DACH2: variants seen among roughly 807,000 people sequenced by gnomAD.
The protein encoded by DACH2 is dachshund homolog 2.
In DACH2, 17 loss-of-function variants were observed where a neutral mutation model predicts 35.8. That is an observed-to-expected ratio of 0.48 (90% CI 0.33 to 0.71). The LOEUF is 0.71. Among genes scored for constraint, DACH2 ranks in the 30% least tolerant of loss-of-function variants. The pLI is 0.02. For synonymous variants in DACH2, 195 were observed against 177.3 expected, an observed-to-expected ratio of 1.10 and a Z score of -0.79; for missense variants, 469 against 472.7, an observed-to-expected ratio of 0.99 and a Z score of 0.07.
At chrX:86,277,060 T>C (rs2033929443) in intron 1 of DACH2, among the ~76,000 whole-genome samples, 1 of 111,884 alleles carries the variant, frequency 8.9e-6, no homozygotes, top group Non-Finnish European at 1.9e-5. Context: ...TTTCTATTTC[T>C]GTGAAGAATG....
intron 2 of DACH2, among the ~76,000 whole-genome samples, chrX:86,490,716 C>T (rs989739566): frequency 4.5e-5 from 5 of 110,509 alleles, no homozygotes; most frequent in Non-Finnish European, 9.5e-5. Flanking sequence ...TGGGATAAGG[C>T]CTAGGTGATT....
At chrX:86,199,782 A>G (rs1448524971) in intron 1 of DACH2, among the ~76,000 whole-genome samples, 1 of 112,015 alleles carries the variant, frequency 8.9e-6, no homozygotes, top group Non-Finnish European at 1.9e-5. Context: ...ACAACTGCTT[A>G]ATGAAATCAG....
intron 1 of DACH2, among the ~76,000 whole-genome samples, chrX:86,156,689 G>A (rs751309966): frequency 1.8e-5 from 2 of 110,987 alleles, no homozygotes; most frequent in East Asian, 5.7e-4. Flanking sequence ...GTGAGCCTAA[G>A]ACCATAAAAT....
At chrX:86,372,527 T>G (rs1430219127) in intron 1 of DACH2, among the ~76,000 whole-genome samples, 1 of 110,732 alleles carries the variant, frequency 9.0e-6, no homozygotes, top group East Asian at 2.9e-4. Flanking sequence ...TTGTGGGAAC[T>G]GTGGGGAACA....
intron 3 of DACH2, among the ~76,000 whole-genome samples, chrX:86,563,076 G>A (rs187691956): frequency 9.1e-6 from 1 of 110,259 alleles, no homozygotes; most frequent in Admixed American, 9.8e-5. Flanking sequence ...TCTTAAGAAA[G>A]GAGTGAGGGA....
At chrX:86,822,918 A>G (rs1258908262) in intron 11 of DACH2, among the ~76,000 whole-genome samples, 2 of 112,142 alleles carry the variant, frequency 1.8e-5, no homozygotes, top group Non-Finnish European at 3.8e-5. Flanking sequence ...TGTCAGAACT[A>G]GATTCCAACA....
chrX:86,158,522 CGTGTGT>C (rs58707735), intron 1 of DACH2, among the ~76,000 whole-genome samples: 29 of 103,341 alleles, frequency 2.8e-4, no homozygotes, highest in South Asian at 1.3e-3. Flanking sequence ...ATAGCCTGTG[CGTGTGT>C]GTGTGTGTGT....
chrX:86,203,421 T>C (rs990388344), intron 1 of DACH2, among the ~76,000 whole-genome samples: 3 of 111,747 alleles, frequency 2.7e-5, no homozygotes, highest in Non-Finnish European at 5.7e-5. Flanking sequence ...TGACAGCTAG[T>C]AAATTCCAGT....
chrX:86,265,959 G>C (rs990789297), intron 1 of DACH2, among the ~76,000 whole-genome samples: 4 of 111,650 alleles, frequency 3.6e-5, no homozygotes, highest in African/African-American at 1.3e-4. Flanking sequence ...GTGTGTATGT[G>C]TGTGTGTATG....
intron 2 of DACH2, among the ~76,000 whole-genome samples, chrX:86,507,830 A>G (rs1446719101): frequency 8.9e-6 from 1 of 112,078 alleles, no homozygotes. Flanking sequence ...ATTGGAACAC[A>G]GTGAGGCAAC....
At chrX:86,248,397 C>T (rs1269033376) in intron 1 of DACH2, among the ~76,000 whole-genome samples, 1 of 111,133 alleles carries the variant, frequency 9.0e-6, no homozygotes, top group Non-Finnish European at 1.9e-5. Context: ...TATACACTAA[C>T]AACCTCCAAG....
At chrX:86,249,564 A>T (rs964866445) in intron 1 of DACH2, among the ~76,000 whole-genome samples, 1 of 111,589 alleles carries the variant, frequency 9.0e-6, no homozygotes, top group African/African-American at 3.2e-5. Flanking sequence ...GATGCTGGTG[A>T]TGCTGTAGAG....
chrX:86,246,173 A>T (rs2033278918), intron 1 of DACH2, among the ~76,000 whole-genome samples: 1 of 112,016 alleles, frequency 8.9e-6, no homozygotes, highest in African/African-American at 3.2e-5. Flanking sequence ...GGATTATATA[A>T]AGGGACCAAT....
At chrX:86,416,476 C>A (rs1263910048) in intron 2 of DACH2, among the ~76,000 whole-genome samples, 1 of 111,941 alleles carries the variant, frequency 8.9e-6, no homozygotes, top group Non-Finnish European at 1.9e-5. Flanking sequence ...AATGATCTTG[C>A]TGTTACTTAA....
rs201719861 is a variant in DACH2 at position 86,645,665 on chromosome X, G to T, written c.641-5371G>T. On this transcript the variant is annotated intron_variant, in intron 3 of 11. Transcript: ENST00000373125. Reference sequence around the variant, plus strand: ...GGAATCAACTTAAATGTCCATCAATGATGGACTGGATAAAGAAAATGTGGT... The same window carrying T: ...GGAATCAACTTAAATGTCCATCAATTATGGACTGGATAAAGAAAATGTGGT... Among the ~76,000 whole-genome samples, 11 of 111,432 alleles carry T rather than the reference G, an allele frequency of 9.9e-5. 1 individual carries two copies. In the East Asian group the frequency reaches 3.1e-3, roughly 31 times the overall value.
At chrX:86,367,801 A>G (rs1399711810) in intron 1 of DACH2, among the ~76,000 whole-genome samples, 1 of 111,746 alleles carries the variant, frequency 8.9e-6, no homozygotes, top group Non-Finnish European at 1.9e-5. Flanking sequence ...TTTTCATGGA[A>G]ACAAAGTCAT....
chrX:86,452,935 C>T (rs2037406159), intron 2 of DACH2, among the ~76,000 whole-genome samples: 1 of 111,176 alleles, frequency 9.0e-6, no homozygotes, highest in Admixed American at 9.6e-5. Flanking sequence ...ATCTTTCTAG[C>T]TTTTTGATGT....
chrX:86,696,798 T>A (rs2041072816), intron 5 of DACH2, among the ~76,000 whole-genome samples: 1 of 111,371 alleles, frequency 9.0e-6, no homozygotes. Context: ...TTCATGAGTT[T>A]TATTTCTAGG....
At chrX:86,455,546 A>T (rs970769855) in intron 2 of DACH2, among the ~76,000 whole-genome samples, 1 of 112,294 alleles carries the variant, frequency 8.9e-6, no homozygotes, top group Non-Finnish European at 1.9e-5. Context: ...GTCCCATTTA[A>T]AGAAGCAGTC....
Sources: allele counts gnomAD v4.1 joint callset (sites outside exome capture counted in the v4.1 genomes callset), GRCh38; gene constraint gnomAD v4.1.1; transcripts MANE v1.5; gene names NCBI Gene and HGNC (gene_info 2026-07-23, HGNC 2026-07-21).